MEPE: variants seen among roughly 807,000 people sequenced by gnomAD.
MEPE encodes matrix, extracellular phosphoglycoprotein with ASARM motif (bone).
A neutral mutation model predicts 7.3 loss-of-function variants in MEPE; 7 were observed. That is an observed-to-expected ratio of 0.95 (90% CI 0.54 to 1.79). The LOEUF is 1.79. MEPE is among the 40% of genes most tolerant of loss of function. The pLI is 0.00. For synonymous variants in MEPE, 214 were observed against 213.1 expected (o/e 1.00, Z -0.04); for missense variants, 623 against 628.2 (o/e 0.99, Z 0.09).
At chr4:87,844,032 T>G (rs1723113311) in intron 3 of MEPE, among the ~76,000 whole-genome samples, 2 of 152,316 alleles carry the variant, frequency 1.3e-5, no homozygotes, top group African/African-American at 4.8e-5. Context: ...TCAGCCTCTC[T>G]TAGCTCCCAT....
At position 87,844,914 on chromosome 4, in the gene MEPE, GAAT is replaced by G. The variant is rs1364428069; in HGVS notation, c.109-62_109-60del. ...GGTGGATGGTTTTTATATTGCCTAAGAATTATTATATTTTAAAAATTTTACATA... is the reference window on the plus strand; with the variant it reads ...GGTGGATGGTTTTTATATTGCCTAAGTATTATATTTTAAAAATTTTACATA... On this transcript the variant is annotated intron_variant, in intron 3 of 3. Transcript: ENST00000361056. 4.1e-6 allele frequency: 5 copies of G among 1,212,794 alleles called. No individual in the cohort carries two copies. The African/African-American group carries it at 7.8e-5, about 19-fold the overall frequency. 75.1% of individuals were successfully genotyped at this position (1,212,794 alleles called of 1,614,324 possible).
At chr4:87,828,459 C>A (rs1722524758), upstream of MEPE, among the ~76,000 whole-genome samples, 1 of 151,702 alleles carries the variant, frequency 6.6e-6, no homozygotes, top group Non-Finnish European at 1.5e-5. Context: ...AATTGGGGAC[C>A]ATGATAGCAG....
chr4:87,842,328 G>A (rs376621327), intron 3 of MEPE, among the ~76,000 whole-genome samples: 3 of 152,328 alleles, frequency 2.0e-5, no homozygotes, highest in African/African-American at 7.2e-5. Context: ...GCTTCTGGCT[G>A]CATGCTCTTT....
At chr4:87,834,792 T>A (rs776049736) in intron 2 of MEPE, 24 bp downstream of exon 2, 1 of 1,593,434 alleles carries the variant, frequency 6.3e-7, no homozygotes, top group Middle Eastern at 1.7e-4. Flanking sequence ...AATTCAATTA[T>A]ATTTCAGATA....
At chr4:87,826,857 T>C (rs1234563636) in intron 1 of MEPE, among the ~76,000 whole-genome samples, 5 of 152,228 alleles carry the variant, frequency 3.3e-5, no homozygotes, top group Admixed American at 3.3e-4. Context: ...TTTGTTTTTT[T>C]CTTGTAAATT....
intron 2 of MEPE, among the ~76,000 whole-genome samples, chr4:87,835,209 T>C (rs1722738381): frequency 1.3e-5 from 2 of 152,226 alleles, no homozygotes; most frequent in South Asian, 4.1e-4. Context: ...AACTCTTCTG[T>C]ATTTCTTGCA....
upstream of MEPE, among the ~76,000 whole-genome samples, chr4:87,828,714 G>A (rs1722530419): frequency 6.6e-6 from 1 of 152,092 alleles, no homozygotes; most frequent in Non-Finnish European, 1.5e-5. Flanking sequence ...AAAAACCCAC[G>A]ACAGGATGAA....
At position 87,840,033 on chromosome 4, in the gene MEPE, G is replaced by A. The variant is rs1434564080; in HGVS notation, c.108+1348G>A. 9.1e-6 allele frequency: 14 copies of A among 1,535,298 alleles called. 1 individual carries two copies. In the Admixed American group the frequency reaches 2.6e-4, roughly 28 times the overall value. On this transcript the variant is annotated intron_variant, in intron 3 of 3. Coordinates refer to ENST00000361056, the MANE Select transcript of MEPE (RefSeq NM_020203.6). Reference sequence around the variant, plus strand: ...TCTGCTTCAGGACCTGTGGCTGCAGGTGTGATACTCATGGACCTCAGGTGC... The same window carrying A: ...TCTGCTTCAGGACCTGTGGCTGCAGATGTGATACTCATGGACCTCAGGTGC...
At chr4:87,831,781 G>A (rs1344891573), upstream of MEPE, among the ~76,000 whole-genome samples, 4 of 151,970 alleles carry the variant, frequency 2.6e-5, no homozygotes, top group African/African-American at 9.7e-5. Flanking sequence ...CAACCAAAGT[G>A]GCCTCTTCTC....
chr4:87,831,588 ATT>A (rs1722600549), upstream of MEPE, among the ~76,000 whole-genome samples: 1 of 152,084 alleles, frequency 6.6e-6, no homozygotes, highest in Non-Finnish European at 1.5e-5. Flanking sequence ...CTTCCTAGCC[ATT>A]CTCTCTGCCT....
chr4:87,842,507 C>T (rs1723052915), intron 3 of MEPE, among the ~76,000 whole-genome samples: 1 of 152,110 alleles, frequency 6.6e-6, no homozygotes, highest in Non-Finnish European at 1.5e-5. Context: ...TGGATGGATG[C>T]CCCGTGCTTG....
At chr4:87,834,456 T>C (rs1297119345) in intron 1 of MEPE, among the ~76,000 whole-genome samples, 1 of 152,214 alleles carries the variant, frequency 6.6e-6, no homozygotes, top group East Asian at 1.9e-4. Context: ...ATCAACTGAC[T>C]TTACTGTTTT....
At chr4:87,822,682 T>G (rs1416693563) in intron 1 of MEPE, among the ~76,000 whole-genome samples, 3 of 152,168 alleles carry the variant, frequency 2.0e-5, no homozygotes, top group African/African-American at 7.2e-5. Flanking sequence ...GCTCTACCCC[T>G]TAGCCAAATA....
At chr4:87,844,102 C>A (rs1723115894) in intron 3 of MEPE, among the ~76,000 whole-genome samples, 1 of 150,512 alleles carries the variant, frequency 6.6e-6, no homozygotes, top group African/African-American at 2.5e-5. Flanking sequence ...GTATGTACTC[C>A]ATCTACACTG....
At chr4:87,833,629 A>G (rs1722666163) in intron 1 of MEPE, among the ~76,000 whole-genome samples, 1 of 152,176 alleles carries the variant, frequency 6.6e-6, no homozygotes, top group African/African-American at 2.4e-5. Context: ...AAGAAATCTC[A>G]GAGTGGCATA....
intron 2 of MEPE, among the ~76,000 whole-genome samples, 181 bp from the exon 3 acceptor site, chr4:87,838,451 G>A (rs774219666): frequency 3.3e-5 from 5 of 152,120 alleles, no homozygotes; most frequent in Non-Finnish European, 5.9e-5. Context: ...ACTGTCTTTC[G>A]TAATATTGAA....
intron 1 of MEPE, 68 bp from the exon 2 acceptor site, chr4:87,834,635 A>G (rs940585358): frequency 2.4e-6 from 3 of 1,231,784 alleles, no homozygotes; most frequent in African/African-American, 1.5e-5. Flanking sequence ...TATGTGTTTT[A>G]TCTCTTCTTA....
intron 1 of MEPE, among the ~76,000 whole-genome samples, chr4:87,822,539 C>T (rs1722362334): frequency 1.3e-5 from 2 of 152,162 alleles, no homozygotes; most frequent in Non-Finnish European, 2.9e-5. Context: ...CATTTTATTA[C>T]ATACACAAAA....
At chr4:87,837,109 C>G (rs936618961) in intron 2 of MEPE, among the ~76,000 whole-genome samples, 1 of 152,090 alleles carries the variant, frequency 6.6e-6, no homozygotes, top group African/African-American at 2.4e-5. Flanking sequence ...CTCAGTAGAG[C>G]GACTTTCTAA....
Sources: allele counts gnomAD v4.1 joint callset (sites outside exome capture counted in the v4.1 genomes callset), GRCh38; gene constraint gnomAD v4.1.1; transcripts MANE v1.5; gene names NCBI Gene and HGNC (gene_info 2026-07-23, HGNC 2026-07-21).